The following GNAQ variants were observed in gnomAD, a reference collection of about 807,000 sequenced individuals.
GNAQ encodes the protein guanine nucleotide-binding protein G(q) subunit alpha.
In GNAQ, 8 loss-of-function variants were observed where a neutral mutation model predicts 43.9. The observed-to-expected ratio is 0.18, with a 90% CI of 0.11 to 0.33. The LOEUF is 0.33. Ranked by LOEUF, GNAQ falls within the 10% of genes least tolerant of loss-of-function variation. The pLI is 1.00. For missense variants in GNAQ, 158 were observed against 450.8 expected, an observed-to-expected ratio of 0.35 and a Z score of 5.88; for synonymous variants, 155 against 170.7, an observed-to-expected ratio of 0.91 and a Z score of 0.71.
intron 5 of GNAQ, among the ~76,000 whole-genome samples, chr9:77,778,819 G>A (rs1300828939): frequency 6.6e-6 from 1 of 151,900 alleles, no homozygotes; most frequent in Non-Finnish European, 1.5e-5. Flanking sequence ...AGGCTTCAAA[G>A]TAAGGAAAGT....
In GNAQ at chr9:77,918,794, T is replaced by G. The variant is rs1828953662; in HGVS notation, c.321+3367A>C. On this transcript the variant is annotated intron_variant, in intron 2 of 6. Coordinates refer to ENST00000286548, the MANE Select transcript of GNAQ (RefSeq NM_002072.5). ...CTGCCCAGCCCTGATTAAACTTTTC[T>G]GTATCCCTGACAGTATATAGCATTT... 2.0e-5 allele frequency among the ~76,000 whole-genome samples: 3 copies of G among 152,352 alleles called. No homozygotes were observed. The South Asian group carries it at 6.2e-4, about 32-fold the overall frequency.
intron 1 of GNAQ, among the ~76,000 whole-genome samples, chr9:78,013,325 T>TA (rs1437909180): frequency 6.7e-6 from 1 of 148,482 alleles, no homozygotes; most frequent in Non-Finnish European, 1.5e-5. Flanking sequence ...TTTTTTTTTT[T>TA]ATTATACTTT....
At chr9:77,909,217 G>A (rs1254112146) in intron 2 of GNAQ, among the ~76,000 whole-genome samples, 1 of 152,168 alleles carries the variant, frequency 6.6e-6, no homozygotes, top group Admixed American at 6.5e-5. Flanking sequence ...TCAACTGAAA[G>A]GTGAATCTAA....
intron 2 of GNAQ, among the ~76,000 whole-genome samples, chr9:77,886,988 G>T (rs557329354): frequency 6.6e-6 from 1 of 151,970 alleles, no homozygotes; most frequent in African/African-American, 2.4e-5. Flanking sequence ...TGGGCGTGGT[G>T]GCGGGTGCCT....
At chr9:77,962,746 G>T (rs1241915941) in intron 1 of GNAQ, among the ~76,000 whole-genome samples, 4 of 151,936 alleles carry the variant, frequency 2.6e-5, no homozygotes, top group Non-Finnish European at 4.4e-5. Flanking sequence ...CAAAAAGTTA[G>T]CCGGGTATGG....
At chr9:77,737,042 C>A (rs1825586280) in intron 5 of GNAQ, among the ~76,000 whole-genome samples, 1 of 152,216 alleles carries the variant, frequency 6.6e-6, no homozygotes, top group African/African-American at 2.4e-5. Context: ...ATCCTTAACT[C>A]TTTCCTTTCC....
intron 2 of GNAQ, among the ~76,000 whole-genome samples, chr9:77,885,576 C>T (rs1391485966): frequency 2.0e-5 from 3 of 152,232 alleles, no homozygotes; most frequent in South Asian, 2.1e-4. Context: ...GTAGCTACAG[C>T]ATTCTACATT....
intron 2 of GNAQ, among the ~76,000 whole-genome samples, chr9:77,875,031 C>T (rs961887611): frequency 1.3e-5 from 2 of 152,040 alleles, no homozygotes; most frequent in Non-Finnish European, 2.9e-5. Context: ...CTAACTGGTT[C>T]AGTGTAATTT....
intron 5 of GNAQ, among the ~76,000 whole-genome samples, chr9:77,748,992 G>A (rs1465292653): frequency 6.6e-6 from 1 of 152,104 alleles, no homozygotes; most frequent in Non-Finnish European, 1.5e-5. Flanking sequence ...CATATTTCTG[G>A]CTGGGACACT....
chr9:77,835,516 AT>A (rs1442857891), intron 2 of GNAQ, among the ~76,000 whole-genome samples: 1 of 152,190 alleles, frequency 6.6e-6, no homozygotes, highest in Admixed American at 6.5e-5. Flanking sequence ...GTAGAGAAAA[AT>A]TTTATGCAGC....
intron 1 of GNAQ, among the ~76,000 whole-genome samples, chr9:77,958,271 G>C (rs892493473): frequency 6.6e-6 from 1 of 151,872 alleles, no homozygotes; most frequent in African/African-American, 2.4e-5. Context: ...TCTACATATA[G>C]ATGTACTTTT....
chr9:77,960,389 T>C (rs1487703051), intron 1 of GNAQ, among the ~76,000 whole-genome samples: 1 of 152,180 alleles, frequency 6.6e-6, no homozygotes, highest in Non-Finnish European at 1.5e-5. Context: ...GTAGGCAGAA[T>C]TAGAATTGGC....
intron 2 of GNAQ, among the ~76,000 whole-genome samples, chr9:77,869,473 A>G (rs1564135878): frequency 1.3e-5 from 2 of 152,224 alleles, no homozygotes. Flanking sequence ...CTTATGCAGA[A>G]TTTTGAATTA....
At chr9:77,791,505 C>T (rs950265385) in intron 5 of GNAQ, among the ~76,000 whole-genome samples, 3 of 152,040 alleles carry the variant, frequency 2.0e-5, no homozygotes, top group Admixed American at 6.6e-5. Flanking sequence ...AAAGGGAATA[C>T]GCAAATCAAC....
At chr9:77,807,359 C>A (rs1490131258) in intron 3 of GNAQ, among the ~76,000 whole-genome samples, 2 of 152,170 alleles carry the variant, frequency 1.3e-5, no homozygotes, top group Non-Finnish European at 2.9e-5. Context: ...ATCTCTGCTT[C>A]AATTGATTGC....
intron 5 of GNAQ, among the ~76,000 whole-genome samples, chr9:77,790,920 G>A (rs2118432274): frequency 6.6e-6 from 1 of 152,124 alleles, no homozygotes; most frequent in African/African-American, 2.4e-5. Context: ...GCAAGTTTTG[G>A]GTATAAAGTG....
At chr9:77,774,914 C>T (rs920486988) in intron 5 of GNAQ, among the ~76,000 whole-genome samples, 1 of 151,942 alleles carries the variant, frequency 6.6e-6, no homozygotes, top group Non-Finnish European at 1.5e-5. Flanking sequence ...AACAAAATGA[C>T]CTTTACCCCA....
chr9:77,840,960 A>G (rs1827480977), intron 2 of GNAQ, among the ~76,000 whole-genome samples: 1 of 152,096 alleles, frequency 6.6e-6, no homozygotes, highest in Non-Finnish European at 1.5e-5. Flanking sequence ...AGCACTATAC[A>G]AGGAGTATTA....
chr9:77,769,799 C>T (rs1246507338), intron 5 of GNAQ, among the ~76,000 whole-genome samples: 4 of 151,362 alleles, frequency 2.6e-5, no homozygotes, highest in East Asian at 3.9e-4. Context: ...CAAGTAGCTG[C>T]GACTACACGC....
Sources: gnomAD v4.1 joint callset for allele counts (sites outside exome capture counted in the v4.1 genomes callset) on GRCh38, gnomAD v4.1.1 for gene constraint, MANE v1.5 for transcripts, NCBI Gene and HGNC (gene_info 2026-07-23, HGNC 2026-07-21) for gene names.